Variants in CHN2 observed in about 807,000 individuals in gnomAD.
The protein encoded by CHN2 is beta-chimaerin.
Under a neutral mutation model 56.3 loss-of-function variants are expected in CHN2, and 35 were observed. The ratio of observed to expected loss-of-function variants is 0.62; its 90% CI spans 0.47 to 0.82. The LOEUF is 0.82. Ranked by LOEUF, CHN2 falls within the 40% of genes least tolerant of loss-of-function variation. The pLI, the probability that CHN2 is intolerant of heterozygous loss-of-function variation, is 0.00. For synonymous variants in CHN2, 210 were observed against 212.8 expected (o/e 0.99, Z 0.12); for missense variants, 491 against 580.5 (o/e 0.85, Z 1.58).
At chr7:29,269,247 A>G (rs1219346939) in intron 1 of CHN2, among the ~76,000 whole-genome samples, 1 of 152,072 alleles carries the variant, frequency 6.6e-6, no homozygotes, top group Non-Finnish European at 1.5e-5. Context: ...TCTACTCTCT[A>G]TCTCCATGAG....
intron 1 of CHN2, among the ~76,000 whole-genome samples, chr7:29,331,317 A>G (rs1796193795): frequency 6.6e-6 from 1 of 152,182 alleles, no homozygotes; most frequent in Non-Finnish European, 1.5e-5. Flanking sequence ...GGGAGTGGCC[A>G]AGAGTGGGAA....
At chr7:29,296,107 A>G (rs1421231333) in intron 1 of CHN2, among the ~76,000 whole-genome samples, 1 of 149,798 alleles carries the variant, frequency 6.7e-6, no homozygotes, top group Non-Finnish European at 1.5e-5. Flanking sequence ...TTTTTAAGAC[A>G]GAGTCTCGCT....
At chr7:29,236,020 A>G (rs776760733) in intron 1 of CHN2, among the ~76,000 whole-genome samples, 2 of 152,246 alleles carry the variant, frequency 1.3e-5, no homozygotes, top group Non-Finnish European at 2.9e-5. Flanking sequence ...CTGTGCATGT[A>G]TCCCCTGAAC....
intron 1 of CHN2, among the ~76,000 whole-genome samples, chr7:29,258,387 T>C (rs1403121514): frequency 6.6e-6 from 1 of 152,210 alleles, no homozygotes. Flanking sequence ...CTACACAATA[T>C]TTTGTTTGGT....
At chr7:29,449,078 A>C (rs1784224352) in intron 6 of CHN2, among the ~76,000 whole-genome samples, 1 of 152,248 alleles carries the variant, frequency 6.6e-6, no homozygotes. Flanking sequence ...TTCATACTGC[A>C]AGAGAGACTT....
intron 3 of CHN2, among the ~76,000 whole-genome samples, chr7:29,374,973 C>T (rs1279049934): frequency 2.0e-5 from 3 of 151,222 alleles, no homozygotes; most frequent in Non-Finnish European, 3.0e-5. Context: ...CCGCAACCTC[C>T]GCCTCCCAGG....
chr7:29,229,138 G>A (rs1786466413), intron 1 of CHN2, among the ~76,000 whole-genome samples: 1 of 152,148 alleles, frequency 6.6e-6, no homozygotes, highest in Non-Finnish European at 1.5e-5. Flanking sequence ...GTTTCAATGT[G>A]CTTTGCAAGA....
intron 7 of CHN2, among the ~76,000 whole-genome samples, chr7:29,489,626 A>G (rs1265541405): frequency 1.3e-5 from 2 of 152,224 alleles, no homozygotes; most frequent in African/African-American, 4.8e-5. Context: ...CAAAAAGGAA[A>G]GTAGGCAATG....
rs73684638 is a variant in CHN2 at position 29,257,695 on chromosome 7, C to T, written c.49+62705C>T. 7.9e-3 allele frequency among the ~76,000 whole-genome samples: 1,201 copies of T among 152,330 alleles called. 11 individuals carry two copies. The highest frequency in any genetic ancestry group is 0.026 in the African/African-American group (1,085 of 41,574). ...AGCAGAGTCAGGCCTTCTGTCCTTC[C>T]TCCTGCTACTCGGCCTGGCGATATC... On this transcript the variant is annotated intron_variant, in intron 1 of 12. Transcript: ENST00000222792.
intron 6 of CHN2, among the ~76,000 whole-genome samples, chr7:29,410,208 G>A (rs1440210506): frequency 6.6e-6 from 1 of 152,084 alleles, no homozygotes; most frequent in Non-Finnish European, 1.5e-5. Flanking sequence ...TTTAAAACAG[G>A]GTAGTGTCTT....
intron 1 of CHN2, among the ~76,000 whole-genome samples, chr7:29,222,263 T>A (rs1371726756): frequency 1.3e-5 from 2 of 152,186 alleles, no homozygotes; most frequent in Non-Finnish European, 2.9e-5. Context: ...CAAGAATCAA[T>A]ATCGTGAAAA....
chr7:29,315,999 G>A (rs1296623916), intron 1 of CHN2, among the ~76,000 whole-genome samples: 5 of 152,128 alleles, frequency 3.3e-5, no homozygotes, highest in Admixed American at 3.3e-4. Flanking sequence ...GACCATTTGT[G>A]GGGTATGAGG....
At chr7:29,363,134 AGCAGCTT>A (rs1433098800) in intron 2 of CHN2, among the ~76,000 whole-genome samples, 7 of 152,228 alleles carry the variant, frequency 4.6e-5, no homozygotes, top group African/African-American at 1.4e-4. Context: ...TCTGCTAAAA[AGCAGCTT>A]AGTAGTATTG....
chr7:29,338,835 C>T (rs566729749), intron 1 of CHN2, among the ~76,000 whole-genome samples: 166 of 152,336 alleles, frequency 1.1e-3, no homozygotes, highest in African/African-American at 3.5e-3. Flanking sequence ...CTCTCTCAGC[C>T]TCCCAAAGTG....
intron 3 of CHN2, among the ~76,000 whole-genome samples, chr7:29,383,217 C>A (rs1314458075): frequency 4.0e-5 from 6 of 151,820 alleles, no homozygotes; most frequent in African/African-American, 1.5e-4. Flanking sequence ...GAAATAGAAC[C>A]AATTGTATGT....
chr7:29,325,206 G>A (rs1041291688), intron 1 of CHN2, among the ~76,000 whole-genome samples: 3 of 151,986 alleles, frequency 2.0e-5, no homozygotes, highest in Non-Finnish European at 2.9e-5. Context: ...ATTCTGTCCC[G>A]CTCTGATGGA....
chr7:29,211,108 TC>T (rs1784901870), intron 1 of CHN2, among the ~76,000 whole-genome samples: 1 of 151,710 alleles, frequency 6.6e-6, no homozygotes. Flanking sequence ...TCTCGCTCTA[TC>T]GCCCAGGCTG....
chr7:29,193,304 C>T (rs1783135796), upstream of CHN2: 3 of 151,760 alleles, frequency 2.0e-5, no homozygotes, highest in Non-Finnish European at 4.4e-5. Flanking sequence ...GACGTGGGTG[C>T]GTACTGTGAT....
intron 7 of CHN2, chr7:29,483,919 A>G: frequency 3.1e-6 from 4 of 1,289,946 alleles, no homozygotes; most frequent in Non-Finnish European, 4.1e-6. Flanking sequence ...ATAAAATGGG[A>G]GTGTTGGGAG....
Sources: allele counts gnomAD v4.1 joint callset (sites outside exome capture counted in the v4.1 genomes callset), GRCh38; gene constraint gnomAD v4.1.1; transcripts MANE v1.5; gene names NCBI Gene and HGNC (gene_info 2026-07-23, HGNC 2026-07-21).